NAALADL2: variants seen among roughly 807,000 people sequenced by gnomAD.
NAALADL2 encodes the protein N-acetylated alpha-linked acidic dipeptidase like 2.
Under a neutral mutation model 87.2 loss-of-function variants are expected in NAALADL2, and 76 were observed. That is an observed-to-expected ratio of 0.87 (90% CI 0.72 to 1.05). NAALADL2 has a LOEUF of 1.05. Ranked by LOEUF, NAALADL2 falls within the 50% of genes least tolerant of loss-of-function variation. NAALADL2 has a pLI of 0.00. For synonymous variants in NAALADL2, 354 were observed against 331.0 expected, an observed-to-expected ratio of 1.07 and a Z score of -0.75; for missense variants, 1,089 against 945.8, an observed-to-expected ratio of 1.15 and a Z score of -1.99.
chr3:174,479,058 T>TC (rs1446026514), intron 1 of NAALADL2, among the ~76,000 whole-genome samples: 1 of 152,176 alleles, frequency 6.6e-6, no homozygotes, highest in Non-Finnish European at 1.5e-5. Flanking sequence ...TTTACTGCCT[T>TC]ACATACTCTC....
intron 2 of NAALADL2, among the ~76,000 whole-genome samples, chr3:175,143,949 T>C (rs1730391304): frequency 6.6e-6 from 1 of 151,328 alleles, no homozygotes; most frequent in African/African-American, 2.4e-5. Context: ...ACAATATTGA[T>C]GTTTTTCTAT....
chr3:175,576,122 T>C lies in NAALADL2; in HGVS notation c.1735T>C (p.Tyr579His). 6.2e-7 allele frequency: 1 copy of C among 1,613,654 alleles called. No homozygotes were observed. Among genetic ancestry groups the C allele is most frequent in the South Asian group, 1.1e-5 (1 of 91,084 alleles). The change falls in exon 10 of 14, where the codon TAT (tyrosine) becomes CAT (histidine). Residue 579 changes from tyrosine to histidine, a missense_variant. By Grantham distance (83) the Tyr-to-His change is moderately conservative. Transcript: ENST00000454872. Reference protein sequence around the residue: ...SSIQIQGDADYFINHLGVPIV... With the variant: ...SSIQIQGDADHFINHLGVPIV... ...TATACAGATACAAGGTGATGCTGATTATTTCATCAACCATCTTGGAGTTCC... is the reference window on the plus strand; with the variant it reads ...TATACAGATACAAGGTGATGCTGATCATTTCATCAACCATCTTGGAGTTCC...
intron 6 of NAALADL2, among the ~76,000 whole-genome samples, chr3:175,459,577 G>C (rs73884414): frequency 0.041 from 6,217 of 151,908 alleles, 138 homozygotes; most frequent in East Asian, 0.085. Flanking sequence ...AAAACCACAC[G>C]TATATATTTT....
chr3:174,997,838 AC>A (rs201967075), intron 1 of NAALADL2, among the ~76,000 whole-genome samples: 7,867 of 151,226 alleles, frequency 0.052, 661 homozygotes, highest in African/African-American at 0.18. Flanking sequence ...AAAGCAAACA[AC>A]AACAACAACA....
intron 9 of NAALADL2, among the ~76,000 whole-genome samples, chr3:175,475,531 C>G (rs1439114111): frequency 1.3e-5 from 2 of 152,072 alleles, no homozygotes; most frequent in Non-Finnish European, 2.9e-5. Context: ...AAGAAAATAG[C>G]AATGAAATTT....
At chr3:175,022,882 A>G (rs1467542363) in intron 1 of NAALADL2, among the ~76,000 whole-genome samples, 1 of 152,074 alleles carries the variant, frequency 6.6e-6, no homozygotes, top group Non-Finnish European at 1.5e-5. Flanking sequence ...AAAGTCTAAC[A>G]CTGTACCAGA....
chr3:174,726,279 G>A (rs1360646406), intron 2 of NAALADL2, among the ~76,000 whole-genome samples: 1 of 152,020 alleles, frequency 6.6e-6, no homozygotes, highest in African/African-American at 2.4e-5. Context: ...AAAGCCCTGG[G>A]TTGCCCAATC....
At chr3:175,246,910 T>A (rs1168234580) in intron 3 of NAALADL2, among the ~76,000 whole-genome samples, 1 of 152,202 alleles carries the variant, frequency 6.6e-6, no homozygotes, top group Non-Finnish European at 1.5e-5. Context: ...TTGGAATGAA[T>A]GTAAAAGTGA....
intron 3 of NAALADL2, among the ~76,000 whole-genome samples, chr3:175,255,757 G>C (rs997653260): frequency 1.3e-5 from 2 of 151,998 alleles, no homozygotes; most frequent in African/African-American, 4.8e-5. Context: ...TATAAAAATG[G>C]GTAACATTGA....
At chr3:174,846,977 G>T (rs1422147914) in intron 3 of NAALADL2, among the ~76,000 whole-genome samples, 1 of 152,252 alleles carries the variant, frequency 6.6e-6, no homozygotes, top group Non-Finnish European at 1.5e-5. Flanking sequence ...AAGTTTAGGC[G>T]ATAGAGTTCA....
At chr3:175,118,731 T>G (rs1416015628) in intron 2 of NAALADL2, among the ~76,000 whole-genome samples, 1 of 151,810 alleles carries the variant, frequency 6.6e-6, no homozygotes, top group African/African-American at 2.4e-5. Context: ...TAGATTATAG[T>G]TCTGCACAAT....
chr3:175,789,600 C>T (rs999581992), intron 13 of NAALADL2, among the ~76,000 whole-genome samples: 5 of 152,082 alleles, frequency 3.3e-5, no homozygotes, highest in African/African-American at 7.2e-5. Context: ...AAGCATGGAA[C>T]AAAATGTCAA....
intron 2 of NAALADL2, among the ~76,000 whole-genome samples, chr3:174,613,328 T>C (rs1720121647): frequency 6.6e-6 from 1 of 152,114 alleles, no homozygotes; most frequent in South Asian, 2.1e-4. Flanking sequence ...GTTAGCAGAT[T>C]GACAAGCCAG....
intron 2 of NAALADL2, among the ~76,000 whole-genome samples, chr3:174,703,405 G>A (rs1258462307): frequency 1.3e-5 from 2 of 151,750 alleles, no homozygotes; most frequent in African/African-American, 4.8e-5. Flanking sequence ...AGTGAGGTGA[G>A]GAGCAGCAAT....
intron 2 of NAALADL2, among the ~76,000 whole-genome samples, chr3:174,558,833 C>A (rs772689972): frequency 6.6e-6 from 1 of 152,122 alleles, no homozygotes; most frequent in Non-Finnish European, 1.5e-5. Context: ...CCAACATGTA[C>A]CTTCCCCAAA....
At chr3:175,181,678 CAT>C (rs140291952) in intron 2 of NAALADL2, among the ~76,000 whole-genome samples, 1,776 of 51,878 alleles carry the variant, frequency 0.034, 171 homozygotes, top group African/African-American at 0.061. Context: ...ATTCCATTGG[CAT>C]ATATATATAT....
At chr3:174,791,120 C>T (rs569927214) in intron 3 of NAALADL2, among the ~76,000 whole-genome samples, 3 of 152,244 alleles carry the variant, frequency 2.0e-5, no homozygotes, top group East Asian at 1.9e-4. Context: ...TGAAGTATTA[C>T]CTAATGTAGA....
chr3:175,005,833 T>G (rs1256997292), intron 1 of NAALADL2, among the ~76,000 whole-genome samples: 1 of 152,234 alleles, frequency 6.6e-6, no homozygotes, highest in African/African-American at 2.4e-5. Context: ...TTGCTTTGGC[T>G]TTAAAGCAGA....
At chr3:174,716,550 G>A (rs1731208348) in intron 2 of NAALADL2, among the ~76,000 whole-genome samples, 1 of 151,614 alleles carries the variant, frequency 6.6e-6, no homozygotes, top group South Asian at 2.1e-4. Context: ...TTAGGTGCCT[G>A]TATTTTTTAT....
Sources: allele counts gnomAD v4.1 joint callset (sites outside exome capture counted in the v4.1 genomes callset), GRCh38; gene constraint gnomAD v4.1.1; transcripts MANE v1.5; gene names NCBI Gene and HGNC (gene_info 2026-07-23, HGNC 2026-07-21).